The following FSTL5 variants were observed in gnomAD, a reference collection of about 807,000 sequenced individuals.
FSTL5 encodes follistatin like 5.
A neutral mutation model predicts 89.1 loss-of-function variants in FSTL5; 62 were observed. The ratio of observed to expected loss-of-function variants is 0.70; its 90% confidence interval spans 0.57 to 0.86. The LOEUF (loss-of-function observed/expected upper bound fraction) is 0.86, where lower values mean the gene tolerates loss of function less well. FSTL5 is among the 40% of genes least tolerant of loss of function. The pLI, the probability that FSTL5 is intolerant of heterozygous loss-of-function variation, is 0.00. For missense variants in FSTL5, 1,057 were observed against 1,001.6 expected, an observed-to-expected ratio of 1.06 and a Z score of -0.75; for synonymous variants, 383 against 346.2, an observed-to-expected ratio of 1.11 and a Z score of -1.18.
At chr4:161,948,256 A>G (rs1425883515) in intron 3 of FSTL5, among the ~76,000 whole-genome samples, 1 of 149,636 alleles carries the variant, frequency 6.7e-6, no homozygotes. Flanking sequence ...GCATGCCAGC[A>G]TGAGCAACAG....
At chr4:161,725,787 T>A (rs899728360) in intron 6 of FSTL5, among the ~76,000 whole-genome samples, 1 of 152,202 alleles carries the variant, frequency 6.6e-6, no homozygotes, top group East Asian at 1.9e-4. Context: ...AAATCCCATA[T>A]ATTAGTTCAT....
chr4:161,859,700 T>A (rs1731838874), intron 4 of FSTL5, among the ~76,000 whole-genome samples: 1 of 152,182 alleles, frequency 6.6e-6, no homozygotes, highest in African/African-American at 2.4e-5. Context: ...TCCTACTGCC[T>A]TTATTTCTAT....
chr4:162,039,817 A>C (rs946495075), intron 2 of FSTL5, among the ~76,000 whole-genome samples: 4 of 151,986 alleles, frequency 2.6e-5, no homozygotes, highest in African/African-American at 9.7e-5. Flanking sequence ...TGCAGTAGTC[A>C]AAAGTGATAT....
chr4:161,997,557 G>C (rs1736331300), intron 3 of FSTL5, among the ~76,000 whole-genome samples: 1 of 149,786 alleles, frequency 6.7e-6, no homozygotes, highest in South Asian at 2.1e-4. Flanking sequence ...CAAGTTTTAA[G>C]TCTTTATATG....
At chr4:161,925,206 T>A (rs1341913121) in intron 3 of FSTL5, among the ~76,000 whole-genome samples, 1 of 151,960 alleles carries the variant, frequency 6.6e-6, no homozygotes, top group African/African-American at 2.4e-5. Flanking sequence ...CTCTATAATA[T>A]CTATTATTTA....
At chr4:162,102,762 T>G (rs1280579843) in intron 2 of FSTL5, among the ~76,000 whole-genome samples, 1 of 146,784 alleles carries the variant, frequency 6.8e-6, no homozygotes, top group Admixed American at 6.9e-5. Context: ...TAAATATGTA[T>G]AACATATTTA....
intron 3 of FSTL5, among the ~76,000 whole-genome samples, chr4:162,023,166 G>A (rs766541677): frequency 2.6e-5 from 4 of 152,114 alleles, no homozygotes; most frequent in Middle Eastern, 3.4e-3. Context: ...GTTACTTTCC[G>A]GAAAACAGGG....
At chr4:161,639,771 C>T (rs1423328220) in intron 7 of FSTL5, among the ~76,000 whole-genome samples, 1 of 152,100 alleles carries the variant, frequency 6.6e-6, no homozygotes, top group East Asian at 1.9e-4. Context: ...TTACAGGAGC[C>T]ATGGCTGGGA....
chr4:162,139,109 G>T (rs555768781), intron 1 of FSTL5, among the ~76,000 whole-genome samples: 6 of 151,636 alleles, frequency 4.0e-5, no homozygotes, highest in Admixed American at 3.3e-4. Flanking sequence ...TTACATTCTG[G>T]GGTACATGTA....
chr4:161,608,652 G>A (rs1734538073), intron 7 of FSTL5, among the ~76,000 whole-genome samples: 1 of 151,880 alleles, frequency 6.6e-6, no homozygotes, highest in Non-Finnish European at 1.5e-5. Flanking sequence ...TAGGTTTCTA[G>A]AGTAAATGCA....
chr4:161,732,833 T>G (rs1167044530), intron 6 of FSTL5, among the ~76,000 whole-genome samples: 2 of 151,946 alleles, frequency 1.3e-5, no homozygotes, highest in African/African-American at 2.4e-5. Flanking sequence ...GACTCTTTAG[T>G]CTCTTCTATT....
chr4:161,854,375 A>G (rs776131900), intron 4 of FSTL5, among the ~76,000 whole-genome samples: 4 of 152,230 alleles, frequency 2.6e-5, no homozygotes, highest in Non-Finnish European at 4.4e-5. Flanking sequence ...GGAAAGAGTA[A>G]TATCAGTTAT....
In FSTL5 at chr4:162,025,488, T is replaced by C. The variant is rs534383781; in HGVS notation, c.160+8137A>G. 4.6e-5 allele frequency among the ~76,000 whole-genome samples: 7 copies of C among 152,216 alleles called. No individual in the cohort carries two copies. In the South Asian group the frequency reaches 1.2e-3, roughly 27 times the overall value. On this transcript the variant is annotated intron_variant, in intron 3 of 15. Transcript: ENST00000306100. ...TAAGTGGGGGATAAATAACTGAGTC[T>C]AGTATTCAGAGTCTAAATTCTGGGA...
At chr4:161,806,507 G>A (rs1394399202) in intron 4 of FSTL5, among the ~76,000 whole-genome samples, 1 of 152,066 alleles carries the variant, frequency 6.6e-6, no homozygotes, top group African/African-American at 2.4e-5. Flanking sequence ...AATATTATAA[G>A]TAGAAAAAGG....
At chr4:161,784,399 C>CT (rs34148753) in intron 4 of FSTL5, among the ~76,000 whole-genome samples, 5 of 151,516 alleles carry the variant, frequency 3.3e-5, no homozygotes, top group South Asian at 2.1e-4. Flanking sequence ...TAAATTTGAC[C>CT]TTTTTTTAAA....
chr4:161,412,611 G>T lies in FSTL5; in HGVS notation c.1842-26162C>A, dbSNP rs117874534. The stretch of plus-strand genomic sequence containing the variant: ...ACATGCATATATATGTAACAAACCT[G>T]CAGGTTGTGCATGTGTACCCTAGAA... On this transcript the variant is annotated intron_variant, in intron 15 of 15. Coordinates refer to ENST00000306100, the MANE Select transcript of FSTL5 (RefSeq NM_020116.5). Among the ~76,000 whole-genome samples, 730 of 152,226 alleles carry T rather than the reference G, an allele frequency of 4.8e-3. 14 individuals are homozygous for T. In the East Asian group the frequency reaches 0.054, roughly 11 times the overall value.
intron 4 of FSTL5, among the ~76,000 whole-genome samples, chr4:161,782,514 T>C (rs1560842700): frequency 6.6e-6 from 1 of 152,196 alleles, no homozygotes; most frequent in Non-Finnish European, 1.5e-5. Flanking sequence ...TTATAAGACC[T>C]TAGTTCCTTT....
intron 3 of FSTL5, among the ~76,000 whole-genome samples, chr4:161,992,429 A>G (rs994070112): frequency 6.6e-6 from 1 of 152,128 alleles, no homozygotes; most frequent in Non-Finnish European, 1.5e-5. Flanking sequence ...AGAGGAGTCA[A>G]AGCTGATTAC....
chr4:161,956,397 G>T (rs1735027441), intron 3 of FSTL5, among the ~76,000 whole-genome samples: 1 of 151,640 alleles, frequency 6.6e-6, no homozygotes, highest in Non-Finnish European at 1.5e-5. Flanking sequence ...ATACTAAAAA[G>T]CAAATTTTGT....
Sources: gnomAD v4.1 joint callset for allele counts (sites outside exome capture counted in the v4.1 genomes callset) on GRCh38, gnomAD v4.1.1 for gene constraint, MANE v1.5 for transcripts, NCBI Gene and HGNC (gene_info 2026-07-23, HGNC 2026-07-21) for gene names.